Variants in STRN3 observed in about 807,000 individuals in gnomAD.
The protein encoded by STRN3 is striatin-3.
Under a neutral mutation model 95.6 loss-of-function variants are expected in STRN3, and 29 were observed. That is an observed-to-expected ratio of 0.30 (90% confidence interval 0.23 to 0.41). The LOEUF (loss-of-function observed/expected upper bound fraction) is 0.41. Among genes scored for constraint, STRN3 ranks in the 10% least tolerant of loss-of-function variants. The pLI, the probability that STRN3 is intolerant of heterozygous loss-of-function variation, is 1.00. For missense variants in STRN3, 890 were observed against 972.1 expected (o/e 0.92, Z 1.12); for synonymous variants, 331 against 357.6 (o/e 0.93, Z 0.84).
chr14:30,959,764 A>C (rs555069942), intron 1 of STRN3, among the ~76,000 whole-genome samples: 10 of 152,286 alleles, frequency 6.6e-5, no homozygotes, highest in Admixed American at 1.3e-4. Context: ...CTTCGAGACC[A>C]GCCTGGGCAA....
At chr14:30,980,709 C>T (rs955292817) in intron 1 of STRN3, among the ~76,000 whole-genome samples, 3 of 152,060 alleles carry the variant, frequency 2.0e-5, no homozygotes, top group East Asian at 1.9e-4. Flanking sequence ...CCCTATTTTG[C>T]GATGTTTCTT....
Position 30,924,219 on chromosome 14 carries a change from AAAAAAAC to A in STRN3, c.1099+4975_1099+4981del, listed in dbSNP as rs1248374457. 4.2e-4 allele frequency among the ~76,000 whole-genome samples: 19 copies of A among 45,212 alleles called. 1 individual carries two copies. The East Asian group carries it at 8.3e-3, about 20-fold the overall frequency. The allele number at this position is 45,212 out of a possible 152,430, so 29.7% of individuals were successfully genotyped here. ...TTAGTTTTCTGAACTACTCAAAAAAAAAAAAACAAAAAAACAAAAAACAACAAAAAAA... is the reference window on the plus strand; with the variant it reads ...TTAGTTTTCTGAACTACTCAAAAAAAAAAAAAACAAAAAACAACAAAAAAA... On this transcript the variant is annotated intron_variant, in intron 8 of 17. Transcript: ENST00000357479.
chr14:30,904,155 A>T (rs1338135796), intron 15 of STRN3, among the ~76,000 whole-genome samples: 1 of 152,182 alleles, frequency 6.6e-6, no homozygotes, highest in Non-Finnish European at 1.5e-5. Flanking sequence ...AAGAAACCAC[A>T]ACTCCTTAGA....
At chr14:31,025,875 G>GCTCC in intron 1 of STRN3, 29 bp downstream of exon 1, 1 of 1,586,940 alleles carries the variant, frequency 6.3e-7, no homozygotes, top group Non-Finnish European at 8.6e-7. Flanking sequence ...AGCCGCCGCA[G>GCTCC]CTCCCGCACA....
Position 31,026,150 on chromosome 14 carries a change from C to T in STRN3, c.36G>A (p.Pro12=). Residue 12 remains proline (P), a synonymous_variant, in exon 1 of 18, where the codon CCG becomes CCA. Transcript: ENST00000357479. Reference sequence around the variant, plus strand: ...GCTGCCGGGGAGGGGCCGCCATCCCCGGGCCGCCACCACCGCCTCCGGCAA... The same window carrying T: ...GCTGCCGGGGAGGGGCCGCCATCCCTGGGCCGCCACCACCGCCTCCGGCAA... ...DELAGGGGGG[P]GMAAPPRQQQ... 3 of 1,488,216 alleles carry T rather than the reference C, an allele frequency of 2.0e-6. No individual in the cohort carries two copies. Among genetic ancestry groups the T allele is most frequent in the Non-Finnish European group, 2.7e-6 (3 of 1,126,318 alleles). 92.2% of individuals were successfully genotyped at this position (1,488,216 alleles called of 1,614,324 possible).
At chr14:30,896,095 G>A (rs539829696) in intron 16 of STRN3, among the ~76,000 whole-genome samples, 3 of 152,224 alleles carry the variant, frequency 2.0e-5, no homozygotes, top group South Asian at 2.1e-4. Context: ...TGGATACTTC[G>A]TATAAGTGAA....
At chr14:30,988,596 G>C (rs1881805902) in intron 1 of STRN3, among the ~76,000 whole-genome samples, 1 of 152,114 alleles carries the variant, frequency 6.6e-6, no homozygotes, top group African/African-American at 2.4e-5. Flanking sequence ...AAAAGAGAAA[G>C]AGAATAATTA....
At chr14:30,947,749 TC>T (rs1879435353) in intron 4 of STRN3, among the ~76,000 whole-genome samples, 1 of 152,170 alleles carries the variant, frequency 6.6e-6, no homozygotes, top group Admixed American at 6.5e-5. Flanking sequence ...TAATTCTCCT[TC>T]TAGGATCTAA....
chr14:30,980,472 A>G (rs1487357413), intron 1 of STRN3, among the ~76,000 whole-genome samples: 3 of 151,742 alleles, frequency 2.0e-5, no homozygotes, highest in Admixed American at 2.0e-4. Flanking sequence ...CAGTGGCACA[A>G]TCTCAGCTCA....
chr14:30,955,909 CTTTT>C (rs908410046), intron 2 of STRN3, among the ~76,000 whole-genome samples: 4 of 151,172 alleles, frequency 2.6e-5, no homozygotes, highest in African/African-American at 2.4e-5. Flanking sequence ...TATCCTTTGT[CTTTT>C]TTTTTAAGTT....
rs71112350 is a variant in STRN3, at chr14:30,902,171, C to CAAAA, written c.2137+361_2137+364dup. ...GGGCAACAAGAGCAAAACTCCGCCT[C>CAAAA]AAAAAAAAAAAAAAAAAAAAAAAAA... On this transcript the variant is annotated intron_variant, in intron 16 of 17. Coordinates refer to ENST00000357479, the MANE Select transcript of STRN3 (RefSeq NM_001083893.2). 2.5e-4 allele frequency among the ~76,000 whole-genome samples: 10 copies of CAAAA among 39,848 alleles called. 2 individuals are homozygous for CAAAA. The highest frequency in any genetic ancestry group is 4.2e-4 in the Non-Finnish European group (10 of 23,620). 26.1% of individuals were successfully genotyped at this position (39,848 alleles called of 152,430 possible).
intron 1 of STRN3, among the ~76,000 whole-genome samples, chr14:30,962,037 G>A (rs954432844): frequency 2.6e-5 from 4 of 152,210 alleles, no homozygotes; most frequent in African/African-American, 9.6e-5. Context: ...TTCCATGTGT[G>A]TTACTGCCCT....
At chr14:30,933,062 T>C (rs1298127092) in intron 7 of STRN3, among the ~76,000 whole-genome samples, 1 of 150,912 alleles carries the variant, frequency 6.6e-6, no homozygotes, top group Non-Finnish European at 1.5e-5. Flanking sequence ...ACTGCTTGAG[T>C]CCACGAGTTC....
chr14:31,005,752 T>C (rs1389303973), intron 1 of STRN3, among the ~76,000 whole-genome samples: 1 of 152,228 alleles, frequency 6.6e-6, no homozygotes, highest in Non-Finnish European at 1.5e-5. Flanking sequence ...ATAGCTAAAA[T>C]TTTTTAAATC....
At position 30,894,976 on chromosome 14, in the gene STRN3, A is replaced by T; in HGVS notation, c.*435T>A. On this transcript the variant is annotated 3_prime_UTR_variant, in exon 18 of 18. Transcript: ENST00000357479. ...ATAAACAGAAGATCACTAAGAGATG[A>T]AAAAAAGCTACTCTTGGAGCTCACT... 1 of 965,560 alleles carries T rather than the reference A, an allele frequency of 1.0e-6. No individual in the cohort carries two copies. 59.8% of individuals were successfully genotyped at this position (965,560 alleles called of 1,614,324 possible).
At chr14:31,008,427 G>A (rs1331192760) in intron 1 of STRN3, among the ~76,000 whole-genome samples, 1 of 152,120 alleles carries the variant, frequency 6.6e-6, no homozygotes, top group Non-Finnish European at 1.5e-5. Flanking sequence ...AGGATCGAGT[G>A]AGCCCAGGAG....
intron 1 of STRN3, among the ~76,000 whole-genome samples, chr14:30,972,544 C>T (rs890191693): frequency 2.6e-5 from 4 of 151,958 alleles, no homozygotes; most frequent in Admixed American, 2.0e-4. Flanking sequence ...ATTTCTTTTG[C>T]GGCACGGAAA....
chr14:30,929,433 A>T, intron 7 of STRN3, 122 bp from the exon 8 acceptor site: 2 of 725,052 alleles, frequency 2.8e-6, no homozygotes, highest in Non-Finnish European at 4.6e-6. Flanking sequence ...TACTCAAAAT[A>T]CTTTAAAGGT....
At chr14:30,921,999 G>A (rs1288808633) in intron 8 of STRN3, among the ~76,000 whole-genome samples, 1 of 151,800 alleles carries the variant, frequency 6.6e-6, no homozygotes, top group Non-Finnish European at 1.5e-5. Flanking sequence ...TGATCCTTCC[G>A]CCTCAGCCTG....
Sources: allele counts gnomAD v4.1 joint callset (sites outside exome capture counted in the v4.1 genomes callset), GRCh38; gene constraint gnomAD v4.1.1; transcripts MANE v1.5; gene names NCBI Gene and HGNC (gene_info 2026-07-23, HGNC 2026-07-21).